DBH: variants seen among roughly 807,000 people sequenced by gnomAD.
The protein encoded by DBH is dopamine beta-hydroxylase (dopamine beta-monooxygenase).
A neutral mutation model predicts 64.0 loss-of-function variants in DBH; 49 were observed. That is an observed-to-expected ratio of 0.77 (90% confidence interval 0.61 to 0.97). The LOEUF (loss-of-function observed/expected upper bound fraction) is 0.97, where lower values mean the gene tolerates loss of function less well. Among genes scored for constraint, DBH ranks in the 50% least tolerant of loss-of-function variants. The probability of loss-of-function intolerance (pLI) is 0.00; values close to 1 mark genes in which losing one functional copy is unlikely to be tolerated. For synonymous variants in DBH, 343 were observed against 347.1 expected (o/e 0.99, Z 0.13); for missense variants, 828 against 826.6 (o/e 1.00, Z -0.02).
At chr9:133,657,519 GGAGA>G (rs1212098005) in intron 11 of DBH, among the ~76,000 whole-genome samples, 3 of 146,138 alleles carry the variant, frequency 2.1e-5, no homozygotes, top group Middle Eastern at 3.5e-3. Flanking sequence ...AGAGAGAGAG[GGAGA>G]GAGAGAGAAC....
intron 11 of DBH, 196 bp downstream of exon 11, chr9:133,657,425 G>A (rs1408997769): frequency 6.0e-6 from 2 of 334,250 alleles, no homozygotes; most frequent in East Asian, 6.3e-5. Flanking sequence ...GGAGAGAGAG[G>A]AGAGAGAGGA....
In DBH at chr9:133,643,505, C is replaced by T. The variant is rs1414264386; in HGVS notation, c.837C>T (p.Phe279=). ...CCGAGATGGACAGCGTCCCCCACTT[C>T]AGCGGGCCCTGCGACTCCAAGATGA... ...CAPEMDSVPH[F]SGPCDSKMKP... is the part of the protein sequence containing the mutation. Residue 279 remains phenylalanine, a synonymous_variant, in exon 4 of 12, where the codon TTC becomes TTT. Coordinates refer to ENST00000393056, the MANE Select transcript of DBH (RefSeq NM_000787.4). The surrounding 1 kb of genome is among the most constrained non-coding windows in gnomAD (Gnocchi z 5.3). The T allele has an allele frequency of 6.2e-7, 1 of 1,613,892 alleles. No homozygotes were observed. Among genetic ancestry groups the T allele is most frequent in the East Asian group, 2.2e-5 (1 of 44,850 alleles).
In DBH at chr9:133,651,728, G is replaced by A. The variant is rs773007874; in HGVS notation, c.1286G>A (p.Arg429Gln). 40 of 1,613,676 alleles carry A rather than the reference G, an allele frequency of 2.5e-5. No homozygotes were observed. The East Asian group carries it at 4.5e-4, about 18-fold the overall frequency. ...GTCACAGTGCTGGTCCGGGACGGCC[G>A]GGAGTGGGAGATCGTGAACCAGGAC... ...KVVTVLVRDG[R>Q]EWEIVNQDNH... The change falls in exon 7 of 12, where the codon CGG (arginine) becomes CAG (glutamine). Residue 429 changes from arginine (R) to glutamine (Q), a missense_variant. Arg to Gln is a conservative substitution (Grantham distance 43). Transcript: ENST00000393056.
intron 10 of DBH, 43 bp downstream of exon 10, chr9:133,656,693 G>A (rs372649546): frequency 2.4e-5 from 38 of 1,606,608 alleles, no homozygotes; most frequent in Middle Eastern, 1.7e-4. Context: ...AGGGAACCCC[G>A]ACACAGAACC....
intron 6 of DBH, among the ~76,000 whole-genome samples, chr9:133,649,782 A>ACT (rs1368200105): frequency 3.9e-5 from 6 of 152,160 alleles, no homozygotes; most frequent in Admixed American, 3.9e-4. Flanking sequence ...GCCAGGCAGC[A>ACT]CTCACTGCCC....
In DBH at chr9:133,636,401, G is replaced by T. The variant is rs1448578798; in HGVS notation, c.30G>T (p.Leu10=). The T allele has an allele frequency of 1.2e-6, 2 of 1,611,326 alleles. No homozygotes were observed. Among genetic ancestry groups the T allele is most frequent in the Non-Finnish European group, 8.5e-7 (1 of 1,179,964 alleles). MPALSRWAS[L]PGPSMREAAF... is the part of the protein sequence containing the mutation. ...CCGCCCTCAGTCGCTGGGCCAGCCT[G>T]CCCGGCCCCAGCATGCGGGAGGCAG... Residue 10 remains leucine, a synonymous_variant, in exon 1 of 12, where the codon CTG becomes CTT. Coordinates refer to ENST00000393056, the MANE Select transcript of DBH (RefSeq NM_000787.4).
rs577656953 is a variant in DBH, at chr9:133,643,076, G to A, written c.745-337G>A. On this transcript the variant is annotated intron_variant, in intron 3 of 11. Coordinates refer to ENST00000393056, the MANE Select transcript of DBH (RefSeq NM_000787.4). This position sits in a 1 kb window ranked among gnomAD's most constrained non-coding sequence, Gnocchi z 5.3. ...GGAAGAGGCATGGCCTTGAAGGTGC[G>A]CTTTGGGCCCGGGCTCTAACCTCAG... Among the ~76,000 whole-genome samples, 19 of 152,294 alleles carry A rather than the reference G, an allele frequency of 1.2e-4. No homozygotes were observed. The highest frequency in any genetic ancestry group is 2.6e-4 in the African/African-American group (11 of 41,556).
In DBH at chr9:133,639,706, C is replaced by G. The variant is rs1286029353; in HGVS notation, c.340-140C>G. The G allele has an allele frequency of 3.3e-6, 3 of 903,054 alleles. No individual in the cohort carries two copies. In the East Asian group the frequency reaches 8.0e-5, roughly 24 times the overall value. The allele number at this position is 903,054 out of a possible 1,614,324, so 55.9% of individuals were successfully genotyped here. A position where few individuals can be genotyped will look rare whatever the true frequency, so the allele number is the denominator to read the frequency against. On this transcript the variant is annotated intron_variant, in intron 1 of 11. Coordinates refer to ENST00000393056, the MANE Select transcript of DBH (RefSeq NM_000787.4). ...AAGCCACAGCCCCAGGCAGAACCCT[C>G]AGATCCACAGGGACTGAGGCCCAGC...
chr9:133,651,552 T>C (rs1832248007), intron 6 of DBH, 82 bp from the exon 7 acceptor site: 5 of 1,572,906 alleles, frequency 3.2e-6, no homozygotes, highest in Admixed American at 1.7e-5. Flanking sequence ...CCAGGGTGGC[T>C]GCTCCCTACC....
rs1169789308 is a variant in DBH at position 133,644,209 on chromosome 9, C to T, written c.922-9C>T. The T allele has an allele frequency of 6.2e-7, 1 of 1,609,064 alleles. No individual in the cohort carries two copies. The highest frequency in any genetic ancestry group is 2.2e-5 in the East Asian group (1 of 44,860). ...CACACCCGTCTGTCTGACACCTTGC[C>T]CCACACAGGCATTTTACTACCCAGA... is the stretch of plus-strand genomic sequence containing the variant. On this transcript the variant is annotated splice_polypyrimidine_tract_variant and intron_variant, in intron 4 of 11. Coordinates refer to ENST00000393056, the MANE Select transcript of DBH (RefSeq NM_000787.4).
At chr9:133,655,956 C>A (rs181485668) in intron 9 of DBH, 211 of 160,346 alleles carry the variant, frequency 1.3e-3, no homozygotes, top group African/African-American at 5.0e-3. Flanking sequence ...CGTAGGGTTG[C>A]CGTGAGAGGC....
chr9:133,657,911 T>C (rs1191625306), intron 11 of DBH, among the ~76,000 whole-genome samples: 1 of 152,214 alleles, frequency 6.6e-6, no homozygotes, highest in Non-Finnish European at 1.5e-5. Flanking sequence ...AAGGAAGGGC[T>C]AATACTGGCT....
intron 6 of DBH, among the ~76,000 whole-genome samples, chr9:133,650,147 C>T (rs1258243200): frequency 1.3e-5 from 2 of 152,168 alleles, no homozygotes; most frequent in African/African-American, 4.8e-5. Flanking sequence ...TTTGGGCTCC[C>T]AGGCCTGGCA....
rs201078152 is a variant in DBH at position 133,651,664 on chromosome 9, G to A, written c.1222G>A (p.Ala408Thr). 4.3e-6 allele frequency: 7 copies of A among 1,613,792 alleles called. No individual in the cohort carries two copies. Among genetic ancestry groups the A allele is most frequent in the African/African-American group, 2.7e-5 (2 of 75,030 alleles). The change falls in exon 7 of 12, where the codon GCC becomes ACC. Residue 408 changes from alanine (A) to threonine (T), a missense_variant. Physicochemically the swap from Ala to Thr is moderately conservative, Grantham distance 58 (BLOSUM62 0). Coordinates refer to ENST00000393056, the MANE Select transcript of DBH (RefSeq NM_000787.4). ...GCCTCCCTCCGGGATCCACATCTTC[G>A]CCTCTCAGCTCCACACACACCTGAC... ...ALPPSGIHIF[A>T]SQLHTHLTGR...
chr9:133,642,248 G>T lies in DBH; in HGVS notation c.528G>T (p.Pro176=). 6.2e-7 allele frequency: 1 copy of T among 1,613,930 alleles called. No homozygotes were observed. Among genetic ancestry groups the T allele is most frequent in the Non-Finnish European group, 8.5e-7 (1 of 1,180,024 alleles). ...TGGTCTACGGGATCCTGGAGGAGCC[G>T]TTCCGGTCACTGGAGGCCATCAACG... ...VHLVYGILEE[P]FRSLEAINGS... Residue 176 remains proline (P), a synonymous_variant, in exon 3 of 12, where the codon CCG becomes CCT. Coordinates refer to ENST00000393056, the MANE Select transcript of DBH (RefSeq NM_000787.4).
rs756226795 is a variant in DBH, at chr9:133,657,216, C to A, written c.1709C>A (p.Ala570Asp). 17 of 1,613,864 alleles carry A rather than the reference C, an allele frequency of 1.1e-5. No individual in the cohort carries two copies. In the South Asian group the frequency reaches 1.9e-4, roughly 18 times the overall value. ...TCCATGCACTGCAACAAGTCCTCAG[C>A]CGTCCGCTTCCAGGTGCGCTGCCAT... is the stretch of plus-strand genomic sequence containing the variant. ...PISMHCNKSSAVRFQGEWNLQ... is the reference protein window; with the variant it reads ...PISMHCNKSSDVRFQGEWNLQ... The change falls in exon 11 of 12, where the codon GCC becomes GAC. Residue 570 changes from alanine (A) to aspartate (D), a missense_variant. By Grantham distance (126) the Ala-to-Asp change is moderately radical (BLOSUM62 -2). Coordinates refer to ENST00000393056, the MANE Select transcript of DBH (RefSeq NM_000787.4).
Position 133,658,328 on chromosome 9 carries a change from C to T in DBH, c.1735C>T (p.Leu579=), listed in dbSNP as rs61733931. 2.3e-4 allele frequency: 373 copies of T among 1,613,998 alleles called. 1 individual carries two copies. In the African/African-American group the frequency reaches 4.7e-3, roughly 20 times the overall value. ...SAVRFQGEWN[L]QPLPKVISTL... ...CCCTTCCTTGCAGGGTGAATGGAACCTGCAGCCCCTGCCCAAGGTCATCTC... is the reference window on the plus strand; with the variant it reads ...CCCTTCCTTGCAGGGTGAATGGAACTTGCAGCCCCTGCCCAAGGTCATCTC... The change falls in exon 12 of 12, where the codon CTG becomes TTG. Residue 579 remains leucine, a synonymous_variant. Coordinates refer to ENST00000393056, the MANE Select transcript of DBH (RefSeq NM_000787.4).
chr9:133,641,054 T>TA lies in DBH; in HGVS notation c.486+1062_486+1063insA, dbSNP rs1461926876. Among the ~76,000 whole-genome samples, 7 of 152,222 alleles carry TA rather than the reference T, an allele frequency of 4.6e-5. No individual in the cohort carries two copies. In the South Asian group the frequency reaches 1.5e-3, roughly 32 times the overall value. On this transcript the variant is annotated intron_variant, in intron 2 of 11. Coordinates refer to ENST00000393056, the MANE Select transcript of DBH (RefSeq NM_000787.4). ...GAGGAGGTGGCTAAGGATATGGGCT[T>TA]GGGACGGGTTGGAGGGTTGGGAATA...
chr9:133,653,235 C>T (rs893101881), intron 9 of DBH, among the ~76,000 whole-genome samples: 21 of 152,134 alleles, frequency 1.4e-4, no homozygotes, highest in Non-Finnish European at 7.4e-5. Context: ...GCGGTGGCAT[C>T]GGGCAATCCA....
Sources: gnomAD v4.1 joint callset for allele counts (sites outside exome capture counted in the v4.1 genomes callset) on GRCh38, gnomAD v4.1.1 for gene constraint, Gnocchi (gnomAD v3.1) non-coding constraint, MANE v1.5 for transcripts, NCBI Gene and HGNC (gene_info 2026-07-23, HGNC 2026-07-21) for gene names.